The following PSD3 variants were observed in gnomAD, a reference collection of about 807,000 sequenced individuals.
The protein encoded by PSD3 is pleckstrin and Sec7 domain containing 3, also known as PH and SEC7 domain-containing protein 3.
Under a neutral mutation model 105.5 loss-of-function variants are expected in PSD3, and 49 were observed. The ratio of observed to expected loss-of-function variants is 0.46; its 90% confidence interval spans 0.37 to 0.59. The LOEUF is 0.59. PSD3 is among the 20% of genes least tolerant of loss of function. The probability of loss-of-function intolerance (pLI) is 0.00; values close to 1 mark genes in which losing one functional copy is unlikely to be tolerated. For synonymous variants in PSD3, 557 were observed against 457.8 expected (o/e 1.22, Z -2.77); for missense variants, 1,561 against 1,263.8 (o/e 1.24, Z -3.57).
intron 15 of PSD3, among the ~76,000 whole-genome samples, chr8:18,555,599 T>C (rs1474525708): frequency 6.6e-6 from 1 of 152,190 alleles, no homozygotes; most frequent in Non-Finnish European, 1.5e-5. Flanking sequence ...CATGGAAATA[T>C]TTGGAAATAT....
intron 4 of PSD3, among the ~76,000 whole-genome samples, chr8:18,816,325 T>C (rs1812220467): frequency 6.6e-6 from 1 of 152,220 alleles, no homozygotes; most frequent in African/African-American, 2.4e-5. Context: ...AACTGAGGTA[T>C]GGTGCAGTTA....
chr8:19,030,079 C>T (rs2129476179), intron 1 of PSD3, among the ~76,000 whole-genome samples: 1 of 152,244 alleles, frequency 6.6e-6, no homozygotes, highest in East Asian at 1.9e-4. Context: ...AGCATTTAGT[C>T]TTTCCCTATT....
intron 1 of PSD3, among the ~76,000 whole-genome samples, chr8:19,019,167 A>G (rs539779798): frequency 1.1e-4 from 16 of 152,330 alleles, no homozygotes; most frequent in African/African-American, 3.8e-4. Flanking sequence ...GCCAAGCAAA[A>G]AAAACAGAGA....
intron 9 of PSD3, among the ~76,000 whole-genome samples, chr8:18,720,305 G>A (rs1802879201): frequency 6.6e-6 from 1 of 152,120 alleles, no homozygotes; most frequent in South Asian, 2.1e-4. Context: ...ACCACCAGAT[G>A]TTTACTGGAT....
chr8:18,934,725 C>A (rs1411723209), intron 2 of PSD3, among the ~76,000 whole-genome samples: 1 of 152,144 alleles, frequency 6.6e-6, no homozygotes, highest in Non-Finnish European at 1.5e-5. Context: ...GATAGCTTTG[C>A]AAGGTCACAC....
intron 1 of PSD3, among the ~76,000 whole-genome samples, chr8:19,075,315 G>T (rs1413708780): frequency 6.6e-6 from 1 of 152,066 alleles, no homozygotes; most frequent in Non-Finnish European, 1.5e-5. Context: ...AGTTGGCCAG[G>T]CTGGTTCAAA....
chr8:18,802,231 A>T (rs1258104922), intron 6 of PSD3: 3 of 245,000 alleles, frequency 1.2e-5, no homozygotes, highest in African/African-American at 2.2e-5. Context: ...ATGTATAAAA[A>T]TATCTTTAAA....
intron 1 of PSD3, among the ~76,000 whole-genome samples, chr8:18,997,490 T>C (rs1363057030): frequency 6.6e-6 from 1 of 151,938 alleles, no homozygotes; most frequent in African/African-American, 2.4e-5. Flanking sequence ...CTTCCCCGCT[T>C]CAGTCTATTC....
At chr8:18,673,862 G>T (rs1022438803) in intron 9 of PSD3, among the ~76,000 whole-genome samples, 1 of 150,210 alleles carries the variant, frequency 6.7e-6, no homozygotes, top group South Asian at 2.1e-4. Context: ...GGGCGGGCAG[G>T]GGGGCATGCT....
intron 2 of PSD3, among the ~76,000 whole-genome samples, chr8:18,925,398 T>TAC (rs1328829330): frequency 6.6e-6 from 1 of 151,612 alleles, no homozygotes; most frequent in Admixed American, 6.6e-5. Flanking sequence ...AGTATATATA[T>TAC]ATATATATAC....
intron 1 of PSD3, among the ~76,000 whole-genome samples, chr8:19,058,947 C>T (rs539234347): frequency 9.8e-5 from 15 of 152,288 alleles, no homozygotes; most frequent in African/African-American, 2.6e-4. Context: ...AGCTGGCCCT[C>T]GCGTTCACTC....
chr8:18,861,011 T>C (rs1192237469), intron 4 of PSD3, among the ~76,000 whole-genome samples: 2 of 152,184 alleles, frequency 1.3e-5, no homozygotes, highest in Admixed American at 6.5e-5. Context: ...TTGTTTGTTT[T>C]AAGGTTTAAA....
At chr8:18,568,853 C>A (rs1411427836) in intron 14 of PSD3, among the ~76,000 whole-genome samples, 1 of 151,358 alleles carries the variant, frequency 6.6e-6, no homozygotes, top group African/African-American at 2.4e-5. Flanking sequence ...CTATCCCTCC[C>A]CACTCCCCCG....
At chr8:18,758,943 T>C (rs1210220305) in intron 9 of PSD3, among the ~76,000 whole-genome samples, 1 of 152,140 alleles carries the variant, frequency 6.6e-6, no homozygotes, top group Non-Finnish European at 1.5e-5. Flanking sequence ...ATGACAACTT[T>C]CATTAAAATT....
At chr8:18,607,267 G>C (rs575821673) in intron 11 of PSD3, among the ~76,000 whole-genome samples, 1 of 152,274 alleles carries the variant, frequency 6.6e-6, no homozygotes, top group Non-Finnish European at 1.5e-5. Flanking sequence ...GGTGCTCCCA[G>C]CTCCACATTT....
At chr8:18,924,127 A>C (rs1821210494) in intron 2 of PSD3, among the ~76,000 whole-genome samples, 1 of 152,162 alleles carries the variant, frequency 6.6e-6, no homozygotes, top group Non-Finnish European at 1.5e-5. Flanking sequence ...TACGTGGGCC[A>C]GTGTGGAATA....
Position 18,999,219 on chromosome 8 carries a change from T to G in PSD3, c.21+14344A>C, listed in dbSNP as rs919147. 2.6e-5 allele frequency among the ~76,000 whole-genome samples: 4 copies of G among 151,870 alleles called. No individual in the cohort carries two copies. In the East Asian group the frequency reaches 5.8e-4, roughly 22 times the overall value. ...AGGTTTGCTTTTGTTTCTGAAGTTA[T>G]GTATACAGCAGAAATTCTTAACCAC... On this transcript the variant is annotated intron_variant, in intron 1 of 15. Coordinates refer to ENST00000327040, the MANE Select transcript of PSD3 (RefSeq NM_015310.4).
intron 15 of PSD3, among the ~76,000 whole-genome samples, chr8:18,539,581 C>T (rs1319242053): frequency 7.2e-6 from 1 of 139,816 alleles, no homozygotes; most frequent in South Asian, 2.3e-4. Context: ...CGGAGTCTTG[C>T]TCTGTCTCCA....
At chr8:18,657,511 C>T (rs1048058098) in intron 9 of PSD3, among the ~76,000 whole-genome samples, 5 of 152,074 alleles carry the variant, frequency 3.3e-5, no homozygotes, top group Non-Finnish European at 2.9e-5. Context: ...AGGGATAGAA[C>T]GTACAATTAA....
Sources: gnomAD v4.1 joint callset for allele counts (sites outside exome capture counted in the v4.1 genomes callset) on GRCh38, gnomAD v4.1.1 for gene constraint, MANE v1.5 for transcripts, NCBI Gene and HGNC (gene_info 2026-07-23, HGNC 2026-07-21) for gene names.